Variants in FBP2 observed in about 807,000 individuals in gnomAD.
FBP2 encodes the protein fructose-1,6-bisphosphatase isozyme 2.
A neutral mutation model predicts 31.6 loss-of-function variants in FBP2; 27 were observed. That is an observed-to-expected ratio of 0.85 (90% confidence interval 0.63 to 1.18). The LOEUF (loss-of-function observed/expected upper bound fraction) is 1.18. Ranked by LOEUF, FBP2 falls within the 50% of genes most tolerant of loss-of-function variation. The pLI is 0.00. For missense variants in FBP2, 421 were observed against 436.1 expected (o/e 0.97, Z 0.31); for synonymous variants, 168 against 179.8 (o/e 0.93, Z 0.53).
At chr9:94,563,810 T>A (rs531473199) in intron 5 of FBP2, among the ~76,000 whole-genome samples, 1 of 152,016 alleles carries the variant, frequency 6.6e-6, no homozygotes, top group East Asian at 1.9e-4. Context: ...GCCAAACATA[T>A]AGAAAGCAGA....
intron 4 of FBP2, chr9:94,569,054 G>A (rs529246242): frequency 1.3e-5 from 2 of 152,374 alleles, no homozygotes; most frequent in South Asian, 2.1e-4. Context: ...TTAACTTGCT[G>A]TGGGTGTCTG....
chr9:94,567,417 T>TGAAGAGAGATGCCAGGAA lies in FBP2; in HGVS notation c.568-28_568-11dup, dbSNP rs1225862219. The TGAAGAGAGATGCCAGGAA allele has an allele frequency of 1.2e-6, 2 of 1,612,660 alleles. No individual in the cohort carries two copies. Among genetic ancestry groups the TGAAGAGAGATGCCAGGAA allele is most frequent in the East Asian group, 2.2e-5 (1 of 44,798 alleles). ...CAAATTCACCAAGAGCCTAGCAACA[T>TGAAGAGAGATGCCAGGAA]GAAGAGAGATGCCAGGAAGAAGAGA... On this transcript the variant is annotated splice_polypyrimidine_tract_variant and intron_variant, in intron 4 of 6. Transcript: ENST00000375337.
chr9:94,579,068 A>G (rs1237449261), intron 3 of FBP2, among the ~76,000 whole-genome samples: 2 of 141,582 alleles, frequency 1.4e-5, no homozygotes, highest in Non-Finnish European at 3.1e-5. Context: ...AAAAAAAAAA[A>G]AGGTTATTTT....
At chr9:94,572,883 T>G (rs1187831647) in intron 3 of FBP2, 9 of 152,262 alleles carry the variant, frequency 5.9e-5, no homozygotes, top group Non-Finnish European at 1.2e-4. Context: ...TTATTGCTAA[T>G]ATATAGAAAT....
intron 1 of FBP2, among the ~76,000 whole-genome samples, chr9:94,592,298 C>T (rs1046732863): frequency 6.6e-6 from 1 of 152,180 alleles, no homozygotes; most frequent in Non-Finnish European, 1.5e-5. Context: ...TGGGTCACCA[C>T]CCCTAAATAA....
chr9:94,585,419 T>C (rs1034441795), intron 2 of FBP2, among the ~76,000 whole-genome samples: 6 of 151,874 alleles, frequency 4.0e-5, no homozygotes, highest in Non-Finnish European at 7.4e-5. Flanking sequence ...CTGGATTTCA[T>C]GGCACTGACA....
At chr9:94,576,796 C>G (rs1160016228) in intron 3 of FBP2, 1 of 152,224 alleles carries the variant, frequency 6.6e-6, no homozygotes, top group Admixed American at 6.5e-5. Flanking sequence ...TCTATTTAGA[C>G]TTGGCCACTA....
rs373644937 is a variant in FBP2, at chr9:94,567,417, T to C, written c.568-10A>G. Reference sequence around the variant, plus strand: ...CAAATTCACCAAGAGCCTAGCAACATGAAGAGAGATGCCAGGAAGAAGAGA... The same window carrying C: ...CAAATTCACCAAGAGCCTAGCAACACGAAGAGAGATGCCAGGAAGAAGAGA... On this transcript the variant is annotated splice_polypyrimidine_tract_variant and intron_variant, in intron 4 of 6. Transcript: ENST00000375337. The C allele has an allele frequency of 6.2e-7, 1 of 1,612,660 alleles. No homozygotes were observed.
At position 94,559,106 on chromosome 9, in the gene FBP2, G is replaced by A. The variant is rs201610582; in HGVS notation, c.852C>T (p.Pro284=). 1.8e-5 allele frequency: 29 copies of A among 1,613,272 alleles called. No individual in the cohort carries two copies. The highest frequency in any genetic ancestry group is 5.5e-5 in the South Asian group (5 of 91,032). ...CTGCCTGCTCAATGATGTAGGCCAC[G>A]GGATTGCATTCATACAGGAGCCGGA... ...GKLRLLYECN[P]VAYIIEQAGG... Residue 284 remains proline (P), a synonymous_variant, in exon 7 of 7, where the codon CCC becomes CCT. Transcript: ENST00000375337.
intron 3 of FBP2, among the ~76,000 whole-genome samples, chr9:94,582,601 G>A (rs193022253): frequency 6.8e-6 from 1 of 147,206 alleles, no homozygotes; most frequent in Non-Finnish European, 1.5e-5. Flanking sequence ...AGGCTAGAGT[G>A]CAGTGGCGCG....
Position 94,563,478 on chromosome 9 carries a change from G to A in FBP2, c.706-17C>T, listed in dbSNP as rs200989389. On this transcript the variant is annotated splice_polypyrimidine_tract_variant and intron_variant, in intron 5 of 6. Transcript: ENST00000375337. The stretch of plus-strand genomic sequence containing the variant: ...ACTGCCATCCTAGAAGACAGAAAGC[G>A]AAGAGACAAGATCCAGTGGCTTTCA... The A allele has an allele frequency of 2.0e-5, 32 of 1,610,678 alleles. No individual in the cohort carries two copies. The highest frequency in any genetic ancestry group is 2.5e-5 in the Non-Finnish European group (30 of 1,177,864).
At chr9:94,590,570 C>T (rs940453055) in intron 1 of FBP2, among the ~76,000 whole-genome samples, 2 of 152,074 alleles carry the variant, frequency 1.3e-5, no homozygotes, top group African/African-American at 4.8e-5. Context: ...TGGAGTTGTT[C>T]GTTCCTCCCA....
At chr9:94,564,068 A>C (rs963292259) in intron 5 of FBP2, among the ~76,000 whole-genome samples, 3 of 152,206 alleles carry the variant, frequency 2.0e-5, no homozygotes, top group Admixed American at 2.0e-4. Context: ...CACTGACAGT[A>C]ATCACTGAAG....
chr9:94,571,056 C>G (rs944330231), intron 4 of FBP2: 2 of 159,010 alleles, frequency 1.3e-5, no homozygotes, highest in Admixed American at 6.5e-5. Context: ...GATGGGCAAG[C>G]CATCCAGCAT....
intron 2 of FBP2, among the ~76,000 whole-genome samples, chr9:94,585,409 C>G (rs914646147): frequency 2.0e-5 from 3 of 152,016 alleles, no homozygotes; most frequent in African/African-American, 7.3e-5. Context: ...GGCAGCAAGG[C>G]TGGATTTCAT....
Position 94,560,146 on chromosome 9 carries a change from G to T in FBP2, c.826-1014C>A, listed in dbSNP as rs1205637595. 3.3e-5 allele frequency among the ~76,000 whole-genome samples: 5 copies of T among 152,142 alleles called. No individual in the cohort carries two copies. The South Asian group carries it at 6.2e-4, about 19-fold the overall frequency. ...TCTCAAAAACGAAGAAAGTGTCCAA[G>T]CAAGGCCACTGTTTCCTGCACGAGG... On this transcript the variant is annotated intron_variant, in intron 6 of 6. Coordinates refer to ENST00000375337, the MANE Select transcript of FBP2 (RefSeq NM_003837.4).
Position 94,563,380 on chromosome 9 carries a change from A to T in FBP2, c.787T>A (p.Phe263Ile), listed in dbSNP as rs748065702. The T allele has an allele frequency of 6.2e-7, 1 of 1,614,028 alleles. No homozygotes were observed. The highest frequency in any genetic ancestry group is 8.5e-7 in the Non-Finnish European group (1 of 1,180,002). Residue 263 changes from phenylalanine (F) to isoleucine (I), a missense_variant, in exon 6 of 7, where the codon TTC (phenylalanine) becomes ATC (isoleucine). By Grantham distance (21) the Phe-to-Ile change is conservative. Coordinates refer to ENST00000375337, the MANE Select transcript of FBP2 (RefSeq NM_003837.4). ...CTCTTCTGGTTGGCTGGGTACAGGA[A>T]GATTCCTCCATAGACCAGGGTGCGG... is the stretch of plus-strand genomic sequence containing the variant. The part of the protein sequence containing the change: ...VHRTLVYGGI[F>I]LYPANQKSPK...
At chr9:94,572,713 AAC>A (rs775319125) in intron 3 of FBP2, among the ~76,000 whole-genome samples, 3 of 152,022 alleles carry the variant, frequency 2.0e-5, no homozygotes, top group African/African-American at 7.2e-5. Context: ...ACACACACAC[AAC>A]ACACACATGA....
chr9:94,567,319 T>C lies in FBP2; in HGVS notation c.656A>G (p.Tyr219Cys). The stretch of plus-strand genomic sequence containing the variant: ...ATATTCAGTGGTGGCCGCATCAAAA[T>C]ACTTGGCATAGCCCTCATTCAGGCT... The part of the protein sequence containing the change: ...IYSLNEGYAK[Y>C]FDAATTEYVQ... Residue 219 changes from tyrosine (Y) to cysteine (C), a missense_variant, in exon 5 of 7, where the codon TAT becomes TGT. Physicochemically the swap from Tyr to Cys is radical, Grantham distance 194. Coordinates refer to ENST00000375337, the MANE Select transcript of FBP2 (RefSeq NM_003837.4). 1 of 1,614,202 alleles carries C rather than the reference T, an allele frequency of 6.2e-7. No individual in the cohort carries two copies. The highest frequency in any genetic ancestry group is 8.5e-7 in the Non-Finnish European group (1 of 1,180,030).
Sources: allele counts gnomAD v4.1 joint callset (sites outside exome capture counted in the v4.1 genomes callset), GRCh38; gene constraint gnomAD v4.1.1; transcripts MANE v1.5; gene names NCBI Gene and HGNC (gene_info 2026-07-23, HGNC 2026-07-21).